The following OTOP1 variants were observed in gnomAD, a reference collection of about 807,000 sequenced individuals.
OTOP1 encodes the protein otopetrin 1.
A neutral mutation model predicts 52.9 loss-of-function variants in OTOP1; 59 were observed. The observed-to-expected ratio is 1.12, with a 90% CI of 0.91 to 1.39. OTOP1 has a LOEUF of 1.39. OTOP1 is among the 40% of genes most tolerant of loss of function. The pLI, the probability that OTOP1 is intolerant of heterozygous loss-of-function variation, is 0.00. For missense variants in OTOP1, 761 were observed against 800.9 expected (o/e 0.95, Z 0.60); for synonymous variants, 317 against 337.7 (o/e 0.94, Z 0.67).
At chr4:4,189,122 T>C in intron 5 of OTOP1, 149 bp from the exon 6 acceptor site, 1 of 677,574 alleles carries the variant, frequency 1.5e-6, no homozygotes, top group Non-Finnish European at 2.5e-6. Flanking sequence ...CCTCATGGCA[T>C]TTCCCATCTC....
At chr4:4,212,603 C>T (rs1265440909) in intron 2 of OTOP1, among the ~76,000 whole-genome samples, 1 of 152,308 alleles carries the variant, frequency 6.6e-6, no homozygotes, top group Non-Finnish European at 1.5e-5. Context: ...ACTGTAGACT[C>T]TGGCTTGGCA....
At chr4:4,219,489 C>G (rs527376431) in intron 1 of OTOP1, among the ~76,000 whole-genome samples, 147 of 151,926 alleles carry the variant, frequency 9.7e-4, no homozygotes, top group African/African-American at 3.4e-3. Flanking sequence ...ATCAGGATGT[C>G]GGGAGATCGA....
At chr4:4,204,700 T>A (rs1716857889) in intron 3 of OTOP1, among the ~76,000 whole-genome samples, 1 of 151,716 alleles carries the variant, frequency 6.6e-6, no homozygotes, top group South Asian at 2.1e-4. Flanking sequence ...TCTCAGTGTA[T>A]GTTTCCTTCA....
intron 4 of OTOP1, among the ~76,000 whole-genome samples, chr4:4,199,233 T>TGAGAGAGAGAGAGAGA (rs71600542): frequency 3.0e-5 from 3 of 98,566 alleles, no homozygotes; most frequent in East Asian, 2.4e-4. Context: ...TGTGTGTGTG[T>TGAGAGAGAGAGAGAGA]GAGAGAGAGA....
Position 4,197,961 on chromosome 4 carries a change from G to A in OTOP1, c.873C>T (p.Asn291=), listed in dbSNP as rs1339227276. The change falls in exon 5 of 6, where the codon AAC becomes AAT. Residue 291 remains asparagine (N), a synonymous_variant. Transcript: ENST00000296358. ...GATGGCTGTCAACTTTGCGCCCGAT[G>A]TTCTTCCACAGGACGTAGAGCATTG... ...ASTMLYVLWK[N]IGRKVDSHQH... The A allele has an allele frequency of 2.0e-5, 32 of 1,613,942 alleles. No individual in the cohort carries two copies. Among genetic ancestry groups the A allele is most frequent in the Non-Finnish European group, 2.4e-5 (28 of 1,180,030 alleles).
intron 4 of OTOP1, among the ~76,000 whole-genome samples, chr4:4,202,229 G>C (rs1716803426): frequency 6.6e-6 from 1 of 152,186 alleles, no homozygotes; most frequent in Non-Finnish European, 1.5e-5. Context: ...AAGTCCCTGA[G>C]TCATGGAAGA....
chr4:4,206,907 C>CT (rs1455744319), intron 2 of OTOP1, among the ~76,000 whole-genome samples: 1 of 152,212 alleles, frequency 6.6e-6, no homozygotes, highest in Admixed American at 6.5e-5. Context: ...CTGAAATTGT[C>CT]TGAGCTCCTC....
intron 1 of OTOP1, 53 bp downstream of exon 1, chr4:4,226,409 T>G: frequency 7.3e-7 from 1 of 1,377,508 alleles, no homozygotes; most frequent in Non-Finnish European, 9.4e-7. Flanking sequence ...AGCCTCAGGA[T>G]GCAGCCAGCG....
In OTOP1 at chr4:4,211,767, T is replaced by G. The variant is rs371216976; in HGVS notation, c.540+1101A>C. Among the ~76,000 whole-genome samples the G allele has an allele frequency of 1.3e-3, 192 of 152,052 alleles. 3 individuals carry two copies. The South Asian group carries it at 0.039, about 31-fold the overall frequency. On this transcript the variant is annotated intron_variant, in intron 2 of 5. Transcript: ENST00000296358. ...ACAGAGCAAGACCCTGTCTCTAAAATTAAATTAAATTAATAAATAAAAACA... is the reference window on the plus strand; with the variant it reads ...ACAGAGCAAGACCCTGTCTCTAAAAGTAAATTAAATTAATAAATAAAAACA...
At chr4:4,220,976 C>T (rs1717287845) in intron 1 of OTOP1, among the ~76,000 whole-genome samples, 1 of 152,076 alleles carries the variant, frequency 6.6e-6, no homozygotes, top group African/African-American at 2.4e-5. Flanking sequence ...CTAGGAGGCT[C>T]AATATCTCTC....
intron 2 of OTOP1, among the ~76,000 whole-genome samples, chr4:4,212,565 C>T (rs1488282323): frequency 1.3e-5 from 2 of 152,116 alleles, no homozygotes; most frequent in African/African-American, 4.8e-5. Flanking sequence ...TGTCACATAC[C>T]CAGAAAATAA....
chr4:4,219,874 TATGTATATATACACATATATGTATACAC>T, intron 1 of OTOP1, among the ~76,000 whole-genome samples: 1 of 146,664 alleles, frequency 6.8e-6, no homozygotes, highest in East Asian at 2.0e-4. Flanking sequence ...TGTATACATA[TATGTATATATACACATATATGTATACAC>T]ATATATGTGT....
In OTOP1 at chr4:4,193,916, G is replaced by A. The variant is rs546535282; in HGVS notation, c.1668+3250C>T. On this transcript the variant is annotated intron_variant, in intron 5 of 5. Coordinates refer to ENST00000296358, the MANE Select transcript of OTOP1 (RefSeq NM_177998.3). ...TTAAAAAATATATTAGGCCAGGAGC[G>A]GTGGCTCACACCCGTAATCCCAGCA... Among the ~76,000 whole-genome samples the A allele has an allele frequency of 7.9e-5, 12 of 152,234 alleles. No individual in the cohort carries two copies. The South Asian group carries it at 1.7e-3, about 21-fold the overall frequency.
intron 5 of OTOP1, among the ~76,000 whole-genome samples, chr4:4,191,591 G>T (rs528057938): frequency 6.6e-6 from 1 of 152,220 alleles, no homozygotes; most frequent in African/African-American, 2.4e-5. Flanking sequence ...TGTTCCCTCT[G>T]CCCTGAACAT....
Position 4,202,452 on chromosome 4 carries a change from T to A in OTOP1, c.726A>T (p.Thr242=), listed in dbSNP as rs751338603. 4 of 1,613,662 alleles carry A rather than the reference T, an allele frequency of 2.5e-6. No individual in the cohort carries two copies. The highest frequency in any genetic ancestry group is 3.4e-6 in the Non-Finnish European group (4 of 1,179,786). The change falls in exon 4 of 6, where the codon ACA becomes ACT. Residue 242 remains threonine, a synonymous_variant. Coordinates refer to ENST00000296358, the MANE Select transcript of OTOP1 (RefSeq NM_177998.3). ...CTCACCTCTCTCACCACTCACCTGT[T>A]GTTATGTTCCCAAAACCCAGAGTGA... ...RLITLGFGNI[T]TVLDDHTPQC... is the part of the protein sequence containing the mutation.
At chr4:4,223,694 G>C (rs1278427413) in intron 1 of OTOP1, among the ~76,000 whole-genome samples, 2 of 152,064 alleles carry the variant, frequency 1.3e-5, no homozygotes, top group Non-Finnish European at 2.9e-5. Context: ...GAGCTCAGGA[G>C]TTTGAGACCA....
At chr4:4,201,426 C>CA (rs935149931) in intron 4 of OTOP1, among the ~76,000 whole-genome samples, 20 of 147,588 alleles carry the variant, frequency 1.4e-4, no homozygotes, top group African/African-American at 4.3e-4. Context: ...GACTCTGTCT[C>CA]AAAAAAAATA....
intron 4 of OTOP1, among the ~76,000 whole-genome samples, chr4:4,201,690 A>G (rs989295825): frequency 1.8e-4 from 27 of 152,248 alleles, no homozygotes; most frequent in Admixed American, 1.5e-3. Flanking sequence ...GCTGCATGTT[A>G]AAGCCGGAAG....
intron 5 of OTOP1, among the ~76,000 whole-genome samples, chr4:4,192,350 A>G (rs369075449): frequency 6.6e-6 from 1 of 152,138 alleles, no homozygotes; most frequent in Non-Finnish European, 1.5e-5. Flanking sequence ...GGCTTCACCA[A>G]CTTCACCTGA....
Sources: allele counts gnomAD v4.1 joint callset (sites outside exome capture counted in the v4.1 genomes callset), GRCh38; gene constraint gnomAD v4.1.1; transcripts MANE v1.5; gene names NCBI Gene and HGNC (gene_info 2026-07-23, HGNC 2026-07-21).